Variants in BTBD7 observed in about 807,000 individuals in gnomAD.
BTBD7 encodes the protein BTB domain containing 7, also known as BTB/POZ domain-containing protein 7.
A neutral mutation model predicts 99.9 loss-of-function variants in BTBD7; 38 were observed. The observed-to-expected ratio is 0.38, with a 90% CI of 0.29 to 0.50. The LOEUF (loss-of-function observed/expected upper bound fraction) is 0.50, where lower values mean the gene tolerates loss of function less well. Ranked by LOEUF, BTBD7 falls within the 20% of genes least tolerant of loss-of-function variation. The pLI is 0.93. For synonymous variants in BTBD7, 520 were observed against 511.4 expected, an observed-to-expected ratio of 1.02 and a Z score of -0.23; for missense variants, 1,170 against 1,394.6, an observed-to-expected ratio of 0.84 and a Z score of 2.57.
chr14:93,327,601 A>G (rs897518981), intron 1 of BTBD7, among the ~76,000 whole-genome samples: 11 of 152,188 alleles, frequency 7.2e-5, no homozygotes, highest in Admixed American at 1.3e-4. Flanking sequence ...AAAACACTCA[A>G]CAAACCAGGA....
intron 3 of BTBD7, among the ~76,000 whole-genome samples, chr14:93,286,155 T>C (rs1233011171): frequency 6.6e-6 from 1 of 152,182 alleles, no homozygotes; most frequent in Non-Finnish European, 1.5e-5. Flanking sequence ...AAAAATTCTC[T>C]ATAGTCCCTG....
At chr14:93,268,666 A>C (rs931031616) in intron 3 of BTBD7, among the ~76,000 whole-genome samples, 2 of 152,160 alleles carry the variant, frequency 1.3e-5, no homozygotes, top group Admixed American at 6.5e-5. Flanking sequence ...AAGGTTATAC[A>C]TCTAGGAAGA....
chr14:93,296,207 G>A (rs964647412), intron 1 of BTBD7, 50 bp from the exon 2 acceptor site: 45 of 1,238,158 alleles, frequency 3.6e-5, no homozygotes, highest in Non-Finnish European at 4.5e-5. Context: ...GTGTATCTCA[G>A]ATCACAGTTT....
At chr14:93,286,818 A>G (rs1566849530) in intron 3 of BTBD7, among the ~76,000 whole-genome samples, 4 of 152,240 alleles carry the variant, frequency 2.6e-5, no homozygotes, top group African/African-American at 9.6e-5. Context: ...CATTCAAATT[A>G]TAAGCATGAG....
chr14:93,331,221 T>C (rs2053399476), intron 1 of BTBD7, among the ~76,000 whole-genome samples: 2 of 152,142 alleles, frequency 1.3e-5, no homozygotes, highest in South Asian at 4.1e-4. Flanking sequence ...AGGTAGTGAA[T>C]GGTGAAGAAT....
In BTBD7 at chr14:93,294,282, A is replaced by G; in HGVS notation, c.738T>C (p.Tyr246=). 1.2e-6 allele frequency: 2 copies of G among 1,614,146 alleles called. No individual in the cohort carries two copies. The highest frequency in any genetic ancestry group is 1.1e-5 in the South Asian group (1 of 91,064). Residue 246 remains tyrosine, a synonymous_variant, in exon 3 of 11, where the codon TAT becomes TAC. Coordinates refer to ENST00000334746, the MANE Select transcript of BTBD7 (RefSeq NM_001002860.4). ...DMRGLFDYMC[Y]YDVVLSFSSD... ...AAGAAAAACTAAGGACGACATCATA[A>G]TAACACATGTAATCAAAGAGTCCAC...
At chr14:93,266,970 A>G (rs200935903) in intron 3 of BTBD7, among the ~76,000 whole-genome samples, 1 of 152,214 alleles carries the variant, frequency 6.6e-6, no homozygotes, top group South Asian at 2.1e-4. Context: ...CAAGCTGAGG[A>G]GGACAGACCT....
At chr14:93,303,510 C>T (rs2053030603) in intron 1 of BTBD7, among the ~76,000 whole-genome samples, 1 of 152,118 alleles carries the variant, frequency 6.6e-6, no homozygotes, top group South Asian at 2.1e-4. Flanking sequence ...AAACAGGAGC[C>T]TATCAAAAGA....
At chr14:93,283,872 T>C (rs1049635624) in intron 3 of BTBD7, among the ~76,000 whole-genome samples, 3 of 152,200 alleles carry the variant, frequency 2.0e-5, no homozygotes, top group African/African-American at 7.2e-5. Flanking sequence ...CTTTTAAGTA[T>C]ATAAATAAGG....
At chr14:93,318,515 T>C (rs1387466110) in intron 1 of BTBD7, among the ~76,000 whole-genome samples, 2 of 152,220 alleles carry the variant, frequency 1.3e-5, no homozygotes, top group East Asian at 1.9e-4. Context: ...AGCTGAACCC[T>C]TGAAATTAAA....
chr14:93,311,647 T>C (rs375744052), intron 1 of BTBD7, among the ~76,000 whole-genome samples: 1 of 152,182 alleles, frequency 6.6e-6, no homozygotes, highest in African/African-American at 2.4e-5. Context: ...CTATTCTCAA[T>C]GCAGCCTACA....
chr14:93,313,143 T>C (rs967262667), intron 1 of BTBD7, among the ~76,000 whole-genome samples: 1 of 152,240 alleles, frequency 6.6e-6, no homozygotes, highest in Non-Finnish European at 1.5e-5. Flanking sequence ...ATCTAGGTCA[T>C]GTCAGTGTTT....
intron 3 of BTBD7, among the ~76,000 whole-genome samples, chr14:93,271,169 G>T (rs2052596732): frequency 6.6e-6 from 1 of 152,002 alleles, no homozygotes; most frequent in Non-Finnish European, 1.5e-5. Context: ...TGTCCCTCTG[G>T]TAACTAAAAA....
chr14:93,279,893 T>TTTTTTAGCTCCA (rs1432921893), intron 3 of BTBD7, among the ~76,000 whole-genome samples: 3 of 152,216 alleles, frequency 2.0e-5, no homozygotes, highest in African/African-American at 7.2e-5. Flanking sequence ...GTTGATAGGC[T>TTTTTTAGCTCCA]ATATCTTTTT....
chr14:93,310,681 T>C (rs2053126337), intron 1 of BTBD7, among the ~76,000 whole-genome samples: 1 of 151,668 alleles, frequency 6.6e-6, no homozygotes, highest in Non-Finnish European at 1.5e-5. Flanking sequence ...GAGGTGGAGG[T>C]TGCAGTGAGC....
rs1427012557 is a variant in BTBD7 at position 93,242,095 on chromosome 14, AAAAC to A, written c.*174_*177del. ...TAGACAGATGCAACATTAAAAAAAA[AAAAC>A]AAAACCTTCTTAGCATGCCATGTCT... On this transcript the variant is annotated 3_prime_UTR_variant, in exon 11 of 11. Coordinates refer to ENST00000334746, the MANE Select transcript of BTBD7 (RefSeq NM_001002860.4). The A allele has an allele frequency of 2.5e-5, 15 of 590,616 alleles. No homozygotes were observed. Among genetic ancestry groups the A allele is most frequent in the Non-Finnish European group, 4.0e-5 (14 of 349,316 alleles). 36.6% of individuals were successfully genotyped at this position (590,616 alleles called of 1,614,324 possible). A position where few individuals can be genotyped will look rare whatever the true frequency, so the allele number is the denominator to read the frequency against.
chr14:93,301,379 CAG>C (rs2053002964), intron 1 of BTBD7, among the ~76,000 whole-genome samples: 1 of 152,046 alleles, frequency 6.6e-6, no homozygotes, highest in Non-Finnish European at 1.5e-5. Flanking sequence ...TTAGTAAAGA[CAG>C]GGTTTCACCA....
At chr14:93,266,282 T>C (rs2052542696) in intron 3 of BTBD7, among the ~76,000 whole-genome samples, 1 of 152,166 alleles carries the variant, frequency 6.6e-6, no homozygotes, top group Admixed American at 6.5e-5. Context: ...ATGTTGCTGC[T>C]TTCTGTGGAG....
At chr14:93,283,209 C>T (rs1303077246) in intron 3 of BTBD7, among the ~76,000 whole-genome samples, 1 of 152,082 alleles carries the variant, frequency 6.6e-6, no homozygotes, top group Non-Finnish European at 1.5e-5. Flanking sequence ...TCCTGAGGAG[C>T]TGAGACTACA....
Sources: allele counts gnomAD v4.1 joint callset (sites outside exome capture counted in the v4.1 genomes callset), GRCh38; gene constraint gnomAD v4.1.1; transcripts MANE v1.5; gene names NCBI Gene and HGNC (gene_info 2026-07-23, HGNC 2026-07-21).